Variants in CTTN observed in about 807,000 individuals in gnomAD.
CTTN encodes cortactin.
Under a neutral mutation model 84.0 loss-of-function variants are expected in CTTN, and 28 were observed. The observed-to-expected ratio is 0.33, with a 90% confidence interval of 0.25 to 0.46. CTTN has a LOEUF of 0.46. CTTN is among the 20% of genes least tolerant of loss of function. The pLI is 1.00. For missense variants in CTTN, 641 were observed against 723.8 expected (o/e 0.89, Z 1.31); for synonymous variants, 301 against 288.8 (o/e 1.04, Z -0.43).
chr11:70,435,200 T>C lies in CTTN; in HGVS notation c.*38T>C. 2 of 1,551,448 alleles carry C rather than the reference T, an allele frequency of 1.3e-6. No individual in the cohort carries two copies. Among genetic ancestry groups the C allele is most frequent in the Non-Finnish European group, 1.7e-6 (2 of 1,153,220 alleles). On this transcript the variant is annotated 3_prime_UTR_variant, in exon 18 of 18. Coordinates refer to ENST00000301843, the MANE Select transcript of CTTN (RefSeq NM_005231.4). ...CCCCCCGGAGCTGCGCCCTGGATCCTCACACTACAGATCAGGCCTTCTTTG... is the reference window on the plus strand; with the variant it reads ...CCCCCCGGAGCTGCGCCCTGGATCCCCACACTACAGATCAGGCCTTCTTTG...
intron 7 of CTTN, 126 bp downstream of exon 7, chr11:70,415,843 G>A (rs1285713405): frequency 1.1e-5 from 10 of 875,118 alleles, no homozygotes; most frequent in Middle Eastern, 3.5e-4. Context: ...ACCTGAAGCC[G>A]TTTCCTGAGC....
intron 1 of CTTN, among the ~76,000 whole-genome samples, chr11:70,404,824 G>A (rs1012002540): frequency 6.6e-6 from 1 of 152,144 alleles, no homozygotes; most frequent in African/African-American, 2.4e-5. Context: ...CCAACATGGA[G>A]AAAACCCGTC....
At chr11:70,432,966 C>T (rs1036740720) in intron 15 of CTTN, 135 bp from the exon 16 acceptor site, 8 of 911,196 alleles carry the variant, frequency 8.8e-6, no homozygotes, top group East Asian at 5.1e-5. Context: ...CTTCCTATAC[C>T]GCGTCTGTTT....
rs776554922 is a variant in CTTN, at chr11:70,419,841, C to T, written c.664C>T (p.His222Tyr). 1 of 1,613,282 alleles carries T rather than the reference C, an allele frequency of 6.2e-7. No homozygotes were observed. The highest frequency in any genetic ancestry group is 8.5e-7 in the Non-Finnish European group (1 of 1,179,662). Residue 222 changes from histidine (H) to tyrosine (Y), a missense_variant, in exon 9 of 18, where the codon CAC becomes TAC. Physicochemically the swap from His to Tyr is moderately conservative, Grantham distance 83. Coordinates refer to ENST00000301843, the MANE Select transcript of CTTN (RefSeq NM_005231.4). ...TGAGTATCAAGGCAAAACGGAGAAG[C>T]ACGAGTCCCAGAAAGGTGTCTTCCG... Reference protein sequence around the residue: ...GFEYQGKTEKHESQKDYVKGF... With the variant: ...GFEYQGKTEKYESQKDYVKGF...
In CTTN at chr11:70,415,682, AC is replaced by A; in HGVS notation, c.424del (p.Gln142ArgfsTer28). 1 of 1,614,166 alleles carries A rather than the reference AC, an allele frequency of 6.2e-7. No homozygotes were observed. The highest frequency in any genetic ancestry group is 8.5e-7 in the Non-Finnish European group (1 of 1,179,992). ...TCACAGTCTGCTGTAGGCTTTGAAT[AC>A]CAGGGGAAGACTGAGAAGCATGCCT... ...RVDQSAVGFE[Y>X]QGKTEKHASQ... is the part of the protein sequence containing the mutation. On this transcript the variant is annotated frameshift_variant, in exon 7 of 18. Coordinates refer to ENST00000301843, the MANE Select transcript of CTTN (RefSeq NM_005231.4). LOFTEE classifies it high-confidence loss of function.
chr11:70,415,554 C>T (rs2058148412), intron 6 of CTTN, 109 bp from the exon 7 acceptor site: 1 of 1,016,212 alleles, frequency 9.8e-7, no homozygotes, highest in South Asian at 1.3e-5. Context: ...GTCACAGCAT[C>T]ATGTGTTTCA....
intron 11 of CTTN, chr11:70,422,427 C>G: frequency 9.1e-7 from 1 of 1,100,168 alleles, no homozygotes; most frequent in Non-Finnish European, 1.2e-6. Flanking sequence ...GACAGTGTGA[C>G]TTTCATGTGG....
chr11:70,421,667 C>T, intron 11 of CTTN, 87 bp downstream of exon 11: 1 of 886,046 alleles, frequency 1.1e-6, no homozygotes, highest in South Asian at 1.4e-5. Flanking sequence ...CCGTCAGCAC[C>T]TGCAACACAG....
Position 70,419,386 on chromosome 11 carries a change from A to G in CTTN, c.569-360A>G, listed in dbSNP as rs1245039022. On this transcript the variant is annotated intron_variant, in intron 8 of 17. Transcript: ENST00000301843. ...CGACCTCCCAAAGTGCTGTGATTAC[A>G]GGCGTGAGCCCCCTCCCCCAGCCTG... Among the ~76,000 whole-genome samples, 3 of 152,166 alleles carry G rather than the reference A, an allele frequency of 2.0e-5. No individual in the cohort carries two copies. In the East Asian group the frequency reaches 5.8e-4, roughly 29 times the overall value.
intron 15 of CTTN, among the ~76,000 whole-genome samples, chr11:70,431,505 C>G (rs2058353807): frequency 6.6e-6 from 1 of 152,106 alleles, no homozygotes; most frequent in African/African-American, 2.4e-5. Flanking sequence ...GCCATCCTTT[C>G]ACCCCTCTGC....
intron 15 of CTTN, 143 bp downstream of exon 15, chr11:70,431,423 G>C: frequency 1.2e-6 from 1 of 867,758 alleles, no homozygotes. Context: ...CCGGAGAGGG[G>C]TGGGCCAGGA....
chr11:70,436,529 A>T lies in CTTN; in HGVS notation c.*1367A>T. 1.2e-6 allele frequency: 1 copy of T among 812,482 alleles called. No homozygotes were observed. Among genetic ancestry groups the T allele is most frequent in the Non-Finnish European group, 1.9e-6 (1 of 514,930 alleles). 50.3% of individuals were successfully genotyped at this position (812,482 alleles called of 1,614,324 possible). A position where few individuals can be genotyped will look rare whatever the true frequency, so the allele number is the denominator to read the frequency against. On this transcript the variant is annotated 3_prime_UTR_variant, in exon 18 of 18. Transcript: ENST00000301843. ...AATTCCTGTAGCACACCTCATAGGT[A>T]TGATTTTTTTAAATTAAAGAATTCA...
rs758532372 is a variant in CTTN, at chr11:70,422,895, C to T, written c.902-45C>T. 1.9e-5 allele frequency: 31 copies of T among 1,613,570 alleles called. 1 individual carries two copies. The Admixed American group carries it at 4.7e-4, about 24-fold the overall frequency. On this transcript the variant is annotated intron_variant, in intron 11 of 17. Transcript: ENST00000301843. ...GCATGCACCCACGGCCACCCCCATGCTCGCCTCCACCTCAGAGTAAGTGTT... is the reference window on the plus strand; with the variant it reads ...GCATGCACCCACGGCCACCCCCATGTTCGCCTCCACCTCAGAGTAAGTGTT...
At chr11:70,425,464 C>A in intron 13 of CTTN, 63 bp downstream of exon 13, 1 of 1,308,370 alleles carries the variant, frequency 7.6e-7, no homozygotes, top group Non-Finnish European at 1.1e-6. Flanking sequence ...AGGGGAAGGA[C>A]AGTTGTGAAA....
At chr11:70,404,860 G>C (rs778825599) in intron 1 of CTTN, among the ~76,000 whole-genome samples, 17 of 152,154 alleles carry the variant, frequency 1.1e-4, no homozygotes, top group Non-Finnish European at 2.1e-4. Context: ...AAATTAGCTG[G>C]GCGTGGTGGC....
chr11:70,432,676 G>GC (rs2058366918), intron 15 of CTTN, among the ~76,000 whole-genome samples: 1 of 152,252 alleles, frequency 6.6e-6, no homozygotes, highest in Non-Finnish European at 1.5e-5. Flanking sequence ...GTCAGGCAGG[G>GC]CCAGGGTCGA....
chr11:70,434,459 G>C (rs957457147), intron 17 of CTTN, among the ~76,000 whole-genome samples: 3 of 152,280 alleles, frequency 2.0e-5, no homozygotes, highest in African/African-American at 7.2e-5. Flanking sequence ...TTCCATCAGC[G>C]CGGAAGCTGG....
At position 70,417,040 on chromosome 11, in the gene CTTN, A is replaced by G. The variant is rs1327340415; in HGVS notation, c.485A>G (p.Tyr162Cys). 8.7e-6 allele frequency: 14 copies of G among 1,614,088 alleles called. No individual in the cohort carries two copies. The highest frequency in any genetic ancestry group is 1.2e-5 in the Non-Finnish European group (14 of 1,180,038). ...KDYSSGFGGK[Y>C]GVQADRVDKS... ...TACTCCAGTGGTTTTGGCGGCAAGT[A>G]TGGCGTGCAGGCCGACCGAGTAGAC... is the stretch of plus-strand genomic sequence containing the variant. The change falls in exon 8 of 18, where the codon TAT (tyrosine) becomes TGT (cysteine). Residue 162 changes from tyrosine (Y) to cysteine (C), a missense_variant. Physicochemically the swap from Tyr to Cys is radical, Grantham distance 194. Around this residue, in one of 3 missense-constraint regions of CTTN, gnomAD observed 284 missense variants for 348.4 expected, o/e 0.82. Transcript: ENST00000301843.
At chr11:70,417,845 G>A (rs912929329) in intron 8 of CTTN, among the ~76,000 whole-genome samples, 4 of 152,142 alleles carry the variant, frequency 2.6e-5, no homozygotes, top group African/African-American at 9.7e-5. Flanking sequence ...GTTCACAAGT[G>A]ATTATTCAAA....
Sources: gnomAD v4.1 joint callset for allele counts (sites outside exome capture counted in the v4.1 genomes callset) on GRCh38, gnomAD v4.1.1 for gene constraint, gnomAD v4.1.1 regional missense constraint, MANE v1.5 for transcripts, NCBI Gene and HGNC (gene_info 2026-07-23, HGNC 2026-07-21) for gene names.